EPHA4: variants seen among roughly 807,000 people sequenced by gnomAD.
The protein encoded by EPHA4 is EPH receptor A4.
Under a neutral mutation model 108.3 loss-of-function variants are expected in EPHA4, and 19 were observed. The observed-to-expected ratio is 0.18, with a 90% CI of 0.12 to 0.26. The LOEUF (loss-of-function observed/expected upper bound fraction) is 0.26. EPHA4 is among the 10% of genes least tolerant of loss of function. The pLI, the probability that EPHA4 is intolerant of heterozygous loss-of-function variation, is 1.00. For synonymous variants in EPHA4, 449 were observed against 455.5 expected, an observed-to-expected ratio of 0.99 and a Z score of 0.18; for missense variants, 917 against 1,254.0, an observed-to-expected ratio of 0.73 and a Z score of 4.06.
intron 3 of EPHA4, among the ~76,000 whole-genome samples, chr2:221,551,719 T>C (rs897879500): frequency 2.0e-5 from 3 of 152,168 alleles, no homozygotes; most frequent in Non-Finnish European, 4.4e-5. Flanking sequence ...CTTTATCCTA[T>C]GGAGGAAAAC....
At chr2:221,548,533 A>C (rs987078798) in intron 3 of EPHA4, among the ~76,000 whole-genome samples, 2 of 151,932 alleles carry the variant, frequency 1.3e-5, no homozygotes, top group Non-Finnish European at 2.9e-5. Flanking sequence ...CAGAACCATG[A>C]GACAATTAAA....
chr2:221,499,732 ATATATATATATATATATATATATATTTTT>A (rs1489188369), intron 4 of EPHA4, among the ~76,000 whole-genome samples: 3 of 44,110 alleles, frequency 6.8e-5, no homozygotes, highest in African/African-American at 3.8e-4. Context: ...ATATATATAT[ATATATATATATATATATATATATATTTTT>A]TTTTTTTTTT....
At chr2:221,455,818 A>C (rs780217357) in intron 7 of EPHA4, among the ~76,000 whole-genome samples, 160 bp from the exon 8 acceptor site, 18 of 152,180 alleles carry the variant, frequency 1.2e-4, no homozygotes, top group Non-Finnish European at 2.2e-4. Flanking sequence ...TCCTTCCCCG[A>C]GAGCTATCAA....
chr2:221,537,787 C>T (rs181639960), intron 3 of EPHA4, among the ~76,000 whole-genome samples: 20 of 151,422 alleles, frequency 1.3e-4, no homozygotes, highest in Admixed American at 3.3e-4. Context: ...GAGATTCCAT[C>T]GAAAAGAAGA....
intron 3 of EPHA4, among the ~76,000 whole-genome samples, chr2:221,547,254 C>A (rs1220851953): frequency 6.6e-6 from 1 of 152,114 alleles, no homozygotes; most frequent in Non-Finnish European, 1.5e-5. Flanking sequence ...AATCACATAC[C>A]CAACATTTAG....
At chr2:221,525,462 G>A (rs572994205) in intron 3 of EPHA4, among the ~76,000 whole-genome samples, 6 of 152,246 alleles carry the variant, frequency 3.9e-5, no homozygotes, top group Admixed American at 6.5e-5. Flanking sequence ...CATTAGTTCC[G>A]GCAGTGAGGA....
intron 8 of EPHA4, among the ~76,000 whole-genome samples, chr2:221,446,958 T>C (rs1481315798): frequency 2.0e-5 from 3 of 152,218 alleles, no homozygotes; most frequent in Admixed American, 2.0e-4. Context: ...TTTGGCTTTG[T>C]TATAAAGCTT....
intron 4 of EPHA4, among the ~76,000 whole-genome samples, chr2:221,484,923 C>T (rs143082752): frequency 2.4e-3 from 365 of 152,254 alleles, no homozygotes; most frequent in African/African-American, 8.2e-3. Context: ...ATGGAGGTGG[C>T]AGTGAGCTAT....
Position 221,425,814 on chromosome 2 carries a change from T to C in EPHA4, c.*214A>G. The C allele has an allele frequency of 1.8e-6, 1 of 544,644 alleles. No individual in the cohort carries two copies. The highest frequency in any genetic ancestry group is 2.4e-5 in the South Asian group (1 of 41,038). 33.7% of individuals were successfully genotyped at this position (544,644 alleles called of 1,614,324 possible). ...AGAAAAGTACTTCTGAGAAACGATT[T>C]GTTCCAGGTCTCATTCAAATGACCG... On this transcript the variant is annotated 3_prime_UTR_variant, in exon 17 of 18. Transcript: ENST00000281821.
At chr2:221,508,906 T>TGC (rs35116423) in intron 3 of EPHA4, among the ~76,000 whole-genome samples, 1 of 10,948 alleles carries the variant, frequency 9.1e-5, no homozygotes, top group African/African-American at 2.1e-3. Flanking sequence ...TTTTTGATAC[T>TGC]GTTTCACAAG....
intron 5 of EPHA4, among the ~76,000 whole-genome samples, chr2:221,474,981 G>A (rs1375361470): frequency 6.6e-6 from 1 of 152,060 alleles, no homozygotes; most frequent in Non-Finnish European, 1.5e-5. Context: ...CAATTCTCGT[G>A]TGCCTCAGTC....
At chr2:221,459,517 T>A (rs1691075615) in intron 5 of EPHA4, among the ~76,000 whole-genome samples, 2 of 151,540 alleles carry the variant, frequency 1.3e-5, no homozygotes, top group South Asian at 4.2e-4. Flanking sequence ...AACGGAAATG[T>A]GCTCATTACA....
intron 4 of EPHA4, among the ~76,000 whole-genome samples, chr2:221,484,168 T>C (rs1242583713): frequency 6.6e-6 from 1 of 152,200 alleles, no homozygotes; most frequent in Non-Finnish European, 1.5e-5. Context: ...TTACCTAGTC[T>C]ACCACAATGA....
chr2:221,542,710 G>A (rs1693872126), intron 3 of EPHA4, among the ~76,000 whole-genome samples: 1 of 152,162 alleles, frequency 6.6e-6, no homozygotes, highest in South Asian at 2.1e-4. Flanking sequence ...TAGTGGGAAG[G>A]AAAACTTGCA....
chr2:221,436,267 G>T, intron 13 of EPHA4, 132 bp downstream of exon 13: 1 of 756,046 alleles, frequency 1.3e-6, no homozygotes. Flanking sequence ...AATGGATGCA[G>T]GAATATGAGG....
At chr2:221,566,839 AAGGAGAAGGAGAAGG>A (rs1559297009) in intron 2 of EPHA4, among the ~76,000 whole-genome samples, 3 of 43,620 alleles carry the variant, frequency 6.9e-5, no homozygotes, top group African/African-American at 3.8e-4. Context: ...GAAGGAGAAG[AAGGAGAAGGAGAAGG>A]AGAAGAAGAA....
intron 7 of EPHA4, 85 bp downstream of exon 7, chr2:221,456,528 A>T: frequency 7.0e-7 from 1 of 1,419,010 alleles, no homozygotes; most frequent in Non-Finnish European, 9.5e-7. Flanking sequence ...AATTACAGAC[A>T]ACTCCTTAGA....
At chr2:221,499,756 A>T (rs934284) in intron 4 of EPHA4, among the ~76,000 whole-genome samples, 7,869 of 26,264 alleles carry the variant, frequency 0.3, 2,059 homozygotes, top group East Asian at 0.36. Flanking sequence ...ATATATATAT[A>T]TTTTTTTTTT....
At chr2:221,546,956 G>T (rs985573500) in intron 3 of EPHA4, among the ~76,000 whole-genome samples, 3 of 152,152 alleles carry the variant, frequency 2.0e-5, no homozygotes, top group Non-Finnish European at 4.4e-5. Flanking sequence ...AAATAAAAGG[G>T]GGGGGACAAA....
Sources: allele counts gnomAD v4.1 joint callset (sites outside exome capture counted in the v4.1 genomes callset), GRCh38; gene constraint gnomAD v4.1.1; transcripts MANE v1.5; gene names NCBI Gene and HGNC (gene_info 2026-07-23, HGNC 2026-07-21).